Variants in THRB observed in about 807,000 individuals in gnomAD.
THRB encodes the protein nuclear receptor subfamily 1 group A member 2.
Under a neutral mutation model 47.8 loss-of-function variants are expected in THRB, and 12 were observed. The observed-to-expected ratio is 0.25, with a 90% CI of 0.16 to 0.41. THRB has a LOEUF of 0.41. Ranked by LOEUF, THRB falls within the 10% of genes least tolerant of loss-of-function variation. The pLI is 1.00. For synonymous variants in THRB, 218 were observed against 212.2 expected, an observed-to-expected ratio of 1.03 and a Z score of -0.24; for missense variants, 348 against 589.2, an observed-to-expected ratio of 0.59 and a Z score of 4.24.
chr3:24,230,889 G>A (rs979550188), intron 3 of THRB, among the ~76,000 whole-genome samples: 1 of 152,180 alleles, frequency 6.6e-6, no homozygotes, highest in Non-Finnish European at 1.5e-5. Flanking sequence ...TCTAGGGACA[G>A]AATTTATTAG....
At chr3:24,448,256 G>A (rs996235968) in intron 1 of THRB, among the ~76,000 whole-genome samples, 2 of 151,940 alleles carry the variant, frequency 1.3e-5, no homozygotes, top group Non-Finnish European at 2.9e-5. Flanking sequence ...AAAAAGACTC[G>A]CATATATGAA....
chr3:24,162,598 T>G lies in THRB; in HGVS notation c.284-10108A>C, dbSNP rs561124478. Among the ~76,000 whole-genome samples, 14 of 151,980 alleles carry G rather than the reference T, an allele frequency of 9.2e-5. No individual in the cohort carries two copies. The South Asian group carries it at 2.9e-3, about 31-fold the overall frequency. ...AATTCTTGAAGCTTTATTTTAAATG[T>G]GATTCAATGAACTGACATCTGACTC... On this transcript the variant is annotated intron_variant, in intron 5 of 10. Transcript: ENST00000646209.
intron 4 of THRB, among the ~76,000 whole-genome samples, chr3:24,191,119 G>A (rs1281007148): frequency 6.6e-6 from 1 of 151,498 alleles, no homozygotes; most frequent in African/African-American, 2.4e-5. Flanking sequence ...TTGAGGGTCT[G>A]GCCTACAGAA....
At chr3:24,333,632 G>T (rs1051998045) in intron 2 of THRB, among the ~76,000 whole-genome samples, 1 of 152,218 alleles carries the variant, frequency 6.6e-6, no homozygotes, top group Non-Finnish European at 1.5e-5. Context: ...GTGTGCATGT[G>T]CAGGCAAAGC....
intron 1 of THRB, among the ~76,000 whole-genome samples, chr3:24,489,054 G>A (rs1697737464): frequency 6.6e-6 from 1 of 152,022 alleles, no homozygotes; most frequent in South Asian, 2.1e-4. Context: ...AGGAGATCGA[G>A]ACCATCCTGG....
intron 5 of THRB, among the ~76,000 whole-genome samples, chr3:24,173,996 C>G (rs973364600): frequency 6.6e-6 from 1 of 152,192 alleles, no homozygotes. Flanking sequence ...AATAGTCCTA[C>G]AGCAGCTATG....
At chr3:24,161,903 A>AAC (rs2038903759) in intron 5 of THRB, among the ~76,000 whole-genome samples, 1 of 142,704 alleles carries the variant, frequency 7.0e-6, no homozygotes, top group Non-Finnish European at 1.5e-5. Context: ...CATGATAAGC[A>AAC]TCTCTGACAA....
chr3:24,124,622 T>C, intron 10 of THRB, among the ~76,000 whole-genome samples: 1 of 152,206 alleles, frequency 6.6e-6, no homozygotes, highest in Admixed American at 6.5e-5. Context: ...TGAAGACCAT[T>C]TTAACTCCTT....
intron 7 of THRB, among the ~76,000 whole-genome samples, chr3:24,145,320 A>G (rs74956157): frequency 0.051 from 7,724 of 152,234 alleles, 271 homozygotes; most frequent in East Asian, 0.095. Context: ...TTCTGATTAG[A>G]AAGCCTGAGC....
intron 4 of THRB, among the ~76,000 whole-genome samples, chr3:24,213,295 T>C (rs190408568): frequency 9.2e-5 from 14 of 152,304 alleles, no homozygotes; most frequent in Admixed American, 3.9e-4. Context: ...TTGTGGCACA[T>C]GGAAAATTCT....
chr3:24,343,359 G>A (rs1021766116), intron 1 of THRB, among the ~76,000 whole-genome samples: 7 of 151,928 alleles, frequency 4.6e-5, no homozygotes, highest in Admixed American at 6.6e-5. Context: ...CTTTAATGAG[G>A]GTCAAAAACA....
intron 3 of THRB, among the ~76,000 whole-genome samples, chr3:24,294,876 G>A (rs1399641122): frequency 6.6e-6 from 1 of 152,220 alleles, no homozygotes; most frequent in African/African-American, 2.4e-5. Context: ...AATGCTAGCA[G>A]CATGCTGCTT....
chr3:24,424,421 C>T (rs2069561318), intron 1 of THRB, among the ~76,000 whole-genome samples: 1 of 151,888 alleles, frequency 6.6e-6, no homozygotes, highest in Non-Finnish European at 1.5e-5. Flanking sequence ...GGCAGTGGTT[C>T]TCAAAGTGGG....
intron 1 of THRB, among the ~76,000 whole-genome samples, chr3:24,380,943 C>T (rs1230237854): frequency 3.3e-5 from 5 of 151,868 alleles, no homozygotes; most frequent in South Asian, 2.1e-4. Context: ...GGTGAAACCC[C>T]GTTTCTACTA....
At chr3:24,302,908 A>G (rs1385252186) in intron 2 of THRB, among the ~76,000 whole-genome samples, 1 of 152,216 alleles carries the variant, frequency 6.6e-6, no homozygotes, top group East Asian at 1.9e-4. Context: ...GAATGGCTAT[A>G]AAGAAGACTT....
chr3:24,296,465 T>C (rs1238574595), intron 3 of THRB, among the ~76,000 whole-genome samples: 2 of 152,262 alleles, frequency 1.3e-5, no homozygotes, highest in Non-Finnish European at 2.9e-5. Flanking sequence ...AATTACGTGG[T>C]GTGACCCCTA....
chr3:24,191,396 A>C (rs1187493898), intron 4 of THRB, among the ~76,000 whole-genome samples: 1 of 152,194 alleles, frequency 6.6e-6, no homozygotes. Context: ...CCTCCTTTTC[A>C]GAGTTTATAT....
intron 1 of THRB, among the ~76,000 whole-genome samples, chr3:24,484,918 T>C (rs896294863): frequency 1.3e-5 from 2 of 152,268 alleles, no homozygotes; most frequent in African/African-American, 4.8e-5. Context: ...TTGTCCAGAA[T>C]ATTTTTATTC....
At chr3:24,198,609 C>A (rs1007958706) in intron 4 of THRB, among the ~76,000 whole-genome samples, 1 of 152,058 alleles carries the variant, frequency 6.6e-6, no homozygotes, top group Admixed American at 6.6e-5. Flanking sequence ...CAGTTTCAGT[C>A]CTATCCACAC....
Sources: allele counts gnomAD v4.1 joint callset (sites outside exome capture counted in the v4.1 genomes callset), GRCh38; gene constraint gnomAD v4.1.1; transcripts MANE v1.5; gene names NCBI Gene and HGNC (gene_info 2026-07-23, HGNC 2026-07-21).